SOS1: variants seen among roughly 807,000 people sequenced by gnomAD.
SOS1 encodes son of sevenless homolog 1.
A neutral mutation model predicts 157.6 loss-of-function variants in SOS1; 25 were observed. That is an observed-to-expected ratio of 0.16 (90% CI 0.12 to 0.22). SOS1 has a LOEUF of 0.22. SOS1 is among the 10% of genes least tolerant of loss of function. The probability of loss-of-function intolerance (pLI) is 1.00; values close to 1 mark genes in which losing one functional copy is unlikely to be tolerated. For synonymous variants in SOS1, 528 were observed against 534.0 expected, an observed-to-expected ratio of 0.99 and a Z score of 0.16; for missense variants, 1,237 against 1,599.1, an observed-to-expected ratio of 0.77 and a Z score of 3.86.
chr2:39,004,500 G>A (rs1194308976), intron 17 of SOS1, among the ~76,000 whole-genome samples: 2 of 151,272 alleles, frequency 1.3e-5, no homozygotes, highest in Non-Finnish European at 2.9e-5. Flanking sequence ...AAATAATTTG[G>A]GTGGGGAAAT....
intron 1 of SOS1, among the ~76,000 whole-genome samples, chr2:39,089,637 A>T (rs978799572): frequency 6.6e-6 from 1 of 152,098 alleles, no homozygotes; most frequent in African/African-American, 2.4e-5. Context: ...ATAGTATTGG[A>T]TTATAACCCA....
intron 1 of SOS1, among the ~76,000 whole-genome samples, chr2:39,068,422 T>C (rs1671665339): frequency 6.6e-6 from 1 of 152,212 alleles, no homozygotes. Flanking sequence ...TGGGCAAAAC[T>C]GACCTCCTAT....
At chr2:38,994,645 T>G (rs1164613690) in intron 20 of SOS1, among the ~76,000 whole-genome samples, 1 of 152,138 alleles carries the variant, frequency 6.6e-6, no homozygotes, top group Non-Finnish European at 1.5e-5. Flanking sequence ...TCTCAAAACT[T>G]CCAATGAGCA....
rs185745748 is a variant in SOS1, at chr2:39,009,809, A to G, written c.2510+775T>C. Among the ~76,000 whole-genome samples, 20 of 152,348 alleles carry G rather than the reference A, an allele frequency of 1.3e-4. 1 individual carries two copies. In the East Asian group the frequency reaches 2.9e-3, roughly 22 times the overall value. ...CATATGTCACTGGTATTAAGCTACT[A>G]TAAGTCTGAAGCTGATTCTGATAAG... On this transcript the variant is annotated intron_variant, in intron 15 of 22. Coordinates refer to ENST00000402219, the MANE Select transcript of SOS1 (RefSeq NM_005633.4).
intron 1 of SOS1, among the ~76,000 whole-genome samples, chr2:39,113,609 T>A (rs1459744206): frequency 1.3e-5 from 2 of 152,180 alleles, no homozygotes; most frequent in Admixed American, 1.3e-4. Flanking sequence ...CAAATTTAAC[T>A]TTCCAAACCT....
In SOS1 at chr2:38,995,393, G is replaced by T. The variant is rs2124475838; in HGVS notation, c.3082-6C>A. 6.2e-7 allele frequency: 1 copy of T among 1,611,404 alleles called. No homozygotes were observed. Among genetic ancestry groups the T allele is most frequent in the South Asian group, 1.1e-5 (1 of 90,796 alleles). Reference sequence around the variant, plus strand: ...GGATAGCTATATTTTTTTGGCTGTAGACATATCAAAAGAAACACAATACTT... The same window carrying T: ...GGATAGCTATATTTTTTTGGCTGTATACATATCAAAAGAAACACAATACTT... On this transcript the variant is annotated splice_region_variant and splice_polypyrimidine_tract_variant and intron_variant, in intron 19 of 22. Coordinates refer to ENST00000402219, the MANE Select transcript of SOS1 (RefSeq NM_005633.4).
At position 39,068,650 on chromosome 2, in the gene SOS1, G is replaced by A. The variant is rs1015470237; in HGVS notation, c.88-897C>T. On this transcript the variant is annotated intron_variant, in intron 1 of 22. Coordinates refer to ENST00000402219, the MANE Select transcript of SOS1 (RefSeq NM_005633.4). ...CTGTCTATACTTCAGGAATATTGGT[G>A]GCCTAAAAATCTTTACCTTCTTTCT... Among the ~76,000 whole-genome samples the A allele has an allele frequency of 2.6e-5, 4 of 151,602 alleles. 1 individual carries two copies. The highest frequency in any genetic ancestry group is 9.7e-5 in the African/African-American group (4 of 41,268).
rs760383259 is a variant in SOS1, at chr2:38,986,333, T to A, written c.3511-18A>T. 3 of 1,600,046 alleles carry A rather than the reference T, an allele frequency of 1.9e-6. No individual in the cohort carries two copies. In the South Asian group the frequency reaches 3.3e-5, roughly 18 times the overall value. ...GACATAATCTAACAAATGAAAAGAA[T>A]AAAATACACATTTATTAATAAATTT... On this transcript the variant is annotated intron_variant, in intron 22 of 22. Transcript: ENST00000402219.
In SOS1 at chr2:38,985,741, T is replaced by C. The variant is rs1363291846; in HGVS notation, c.*83A>G. On this transcript the variant is annotated 3_prime_UTR_variant, in exon 23 of 23. Coordinates refer to ENST00000402219, the MANE Select transcript of SOS1 (RefSeq NM_005633.4). ...TAGTGTTTGGAGTTCTCATTTTAACTCCTCAGTGCTGGCACATTCAGTGCA... is the reference window on the plus strand; with the variant it reads ...TAGTGTTTGGAGTTCTCATTTTAACCCCTCAGTGCTGGCACATTCAGTGCA... 7 of 1,329,084 alleles carry C rather than the reference T, an allele frequency of 5.3e-6. No homozygotes were observed. Among genetic ancestry groups the C allele is most frequent in the East Asian group, 2.5e-5 (1 of 40,658 alleles). The allele number at this position is 1,329,084 out of a possible 1,614,324, so 82.3% of individuals were successfully genotyped here.
chr2:39,007,117 G>T lies in SOS1; in HGVS notation c.2587C>A (p.Gln863Lys), dbSNP rs141501083. 3.8e-5 allele frequency: 61 copies of T among 1,605,874 alleles called. No individual in the cohort carries two copies. Among genetic ancestry groups the T allele is most frequent in the Non-Finnish European group, 3.8e-5 (44 of 1,172,770 alleles). Residue 863 changes from glutamine (Q) to lysine (K), a missense_variant, in exon 16 of 23, where the codon CAA becomes AAA. Physicochemically the swap from Gln to Lys is moderately conservative, Grantham distance 53 (BLOSUM62 1). This residue lies in a region of SOS1 where 105 missense variants were observed against 236.0 expected (regional missense o/e 0.44). Transcript: ENST00000402219. ...SRIIEILQVF[Q>K]ELNNFNGVLE... Reference sequence around the variant, plus strand: ...ACACCATTAAAGTTGTTCAACTCTTGAAAGACTTGTAGAATCTCAATAATT... The same window carrying T: ...ACACCATTAAAGTTGTTCAACTCTTTAAAGACTTGTAGAATCTCAATAATT...
chr2:39,092,069 C>T (rs1189792118), intron 1 of SOS1, among the ~76,000 whole-genome samples: 1 of 152,208 alleles, frequency 6.6e-6, no homozygotes, highest in Non-Finnish European at 1.5e-5. Flanking sequence ...GTCACTCCTT[C>T]GCCTAAAATC....
At chr2:39,124,696 G>T (rs1674013295), upstream of SOS1, among the ~76,000 whole-genome samples, 1 of 152,228 alleles carries the variant, frequency 6.6e-6, no homozygotes, top group African/African-American at 2.4e-5. Flanking sequence ...TGGCGTCCCA[G>T]GATAAATTCC....
rs555833191 is a variant in SOS1, at chr2:38,990,851, C to A, written c.3347-1537G>T. ...TTGCCTGGAAAATACTATAGAAATT[C>A]TTTTAGAATTTTACATGCACTAATC... On this transcript the variant is annotated intron_variant, in intron 20 of 22. Coordinates refer to ENST00000402219, the MANE Select transcript of SOS1 (RefSeq NM_005633.4). Among the ~76,000 whole-genome samples the A allele has an allele frequency of 2.0e-5, 3 of 152,202 alleles. No homozygotes were observed. In the East Asian group the frequency reaches 5.8e-4, roughly 29 times the overall value.
chr2:39,109,608 TAA>T (rs1299566602), intron 1 of SOS1, among the ~76,000 whole-genome samples: 1 of 152,330 alleles, frequency 6.6e-6, no homozygotes, highest in East Asian at 1.9e-4. Context: ...CACTGGAATA[TAA>T]AGAGTTGTCT....
chr2:39,121,435 C>T (rs558646128), upstream of SOS1, among the ~76,000 whole-genome samples: 1 of 152,236 alleles, frequency 6.6e-6, no homozygotes, highest in Non-Finnish European at 1.5e-5. Flanking sequence ...GACAGGTGCT[C>T]TGTCACGAAA....
At chr2:38,997,562 T>C in intron 17 of SOS1, 137 bp from the exon 18 acceptor site, 2 of 582,844 alleles carry the variant, frequency 3.4e-6, no homozygotes, top group East Asian at 2.8e-5. Context: ...ATTTCCATGA[T>C]ATGAAAACAG....
At position 38,988,131 on chromosome 2, in the gene SOS1, T is replaced by G. The variant is rs180892691; in HGVS notation, c.3392-540A>C. On this transcript the variant is annotated intron_variant, in intron 21 of 22. Transcript: ENST00000402219. ...TGTCTAGGTGAGGGGCCTCTCCTCA[T>G]TTTGTTTAGTTATAGGCTCCCCTTT... Among the ~76,000 whole-genome samples, 315 of 152,312 alleles carry G rather than the reference T, an allele frequency of 2.1e-3. 1 individual carries two copies. The highest frequency in any genetic ancestry group is 7.2e-3 in the African/African-American group (299 of 41,578).
intron 1 of SOS1, chr2:39,082,728 G>A (rs762092303): frequency 2.0e-5 from 3 of 152,126 alleles, no homozygotes; most frequent in Non-Finnish European, 4.4e-5. Flanking sequence ...GCTTAAGGCC[G>A]AAAACATGGA....
At chr2:39,052,241 C>G (rs1369643634) in intron 5 of SOS1, among the ~76,000 whole-genome samples, 1 of 151,984 alleles carries the variant, frequency 6.6e-6, no homozygotes, top group African/African-American at 2.4e-5. Flanking sequence ...GCAACCATAT[C>G]CATTTTGTAT....
Sources: gnomAD v4.1 joint callset for allele counts (sites outside exome capture counted in the v4.1 genomes callset) on GRCh38, gnomAD v4.1.1 for gene constraint, gnomAD v4.1.1 regional missense constraint, MANE v1.5 for transcripts, NCBI Gene and HGNC (gene_info 2026-07-23, HGNC 2026-07-21) for gene names.